SVIL: variants seen among roughly 807,000 people sequenced by gnomAD.
The protein encoded by SVIL is supervillin.
A neutral mutation model predicts 240.4 loss-of-function variants in SVIL; 101 were observed. That is an observed-to-expected ratio of 0.42 (90% CI 0.36 to 0.50). SVIL has a LOEUF of 0.50. Among genes scored for constraint, SVIL ranks in the 20% least tolerant of loss-of-function variants. The pLI, the probability that SVIL is intolerant of heterozygous loss-of-function variation, is 0.01. For missense variants in SVIL, 2,512 were observed against 2,818.7 expected, an observed-to-expected ratio of 0.89 and a Z score of 2.46; for synonymous variants, 999 against 1,100.0, an observed-to-expected ratio of 0.91 and a Z score of 1.82.
chr10:29,644,146 AATGGGGAC>A lies in SVIL; in HGVS notation c.-201+13815_-201+13822del, dbSNP rs565592899. On this transcript the variant is annotated intron_variant, in intron 3 of 35. Coordinates refer to the SVIL transcript ENST00000375400. ...ACAGAACCATGGAGGCTGCTGCTCA[AATGGGGAC>A]ATGAGCTGACGGTGATGTGACCAGT... 6.6e-4 allele frequency among the ~76,000 whole-genome samples: 100 copies of A among 152,154 alleles called. No homozygotes were observed. In the South Asian group the frequency reaches 0.012, roughly 18 times the overall value.
intron 2 of SVIL, among the ~76,000 whole-genome samples, 157 bp from the exon 3 acceptor site, chr10:29,563,449 CT>C (rs1284345483): frequency 2.6e-5 from 4 of 152,178 alleles, no homozygotes; most frequent in South Asian, 2.1e-4. Context: ...AAATTGGTAA[CT>C]TTTTTCATTT....
At chr10:29,607,311 T>A (rs552093842) in intron 1 of SVIL, among the ~76,000 whole-genome samples, 14 of 152,338 alleles carry the variant, frequency 9.2e-5, no homozygotes, top group African/African-American at 3.1e-4. Flanking sequence ...TTACTGAGGC[T>A]GTGTAATGCA....
chr10:29,550,495 A>G, intron 6 of SVIL, 102 bp downstream of exon 6: 1 of 1,262,664 alleles, frequency 7.9e-7, no homozygotes, highest in Non-Finnish European at 1.1e-6. Flanking sequence ...ATAAGCCTTG[A>G]CTTCCACATA....
chr10:29,668,411 T>A (rs555839425), intron 2 of SVIL, among the ~76,000 whole-genome samples: 1 of 152,310 alleles, frequency 6.6e-6, no homozygotes, highest in African/African-American at 2.4e-5. Context: ...ATCCAAATGT[T>A]TAATTATGTT....
At chr10:29,549,582 T>C (rs1384853955) in intron 6 of SVIL, among the ~76,000 whole-genome samples, 2 of 147,264 alleles carry the variant, frequency 1.4e-5, no homozygotes, top group South Asian at 2.2e-4. Flanking sequence ...CGTATGTTTA[T>C]TGTGGCACTA....
At chr10:29,539,584 C>T (rs1483850384) in intron 6 of SVIL, among the ~76,000 whole-genome samples, 1 of 152,176 alleles carries the variant, frequency 6.6e-6, no homozygotes, top group African/African-American at 2.4e-5. Flanking sequence ...AGTGAACACG[C>T]TGTCCTGGGC....
intron 16 of SVIL, among the ~76,000 whole-genome samples, chr10:29,519,257 T>C (rs936470044): frequency 5.3e-5 from 8 of 152,296 alleles, no homozygotes; most frequent in Admixed American, 5.2e-4. Context: ...GGTTGGCTGC[T>C]CTAACACTAA....
rs545436478 is a variant in SVIL at position 29,490,690 on chromosome 10, G to C, written c.4192+157C>G. 1.8e-3 allele frequency among the ~76,000 whole-genome samples: 272 copies of C among 152,088 alleles called. 12 individuals are homozygous for C. In the South Asian group the frequency reaches 0.056, roughly 31 times the overall value. On this transcript the variant is annotated intron_variant, in intron 22 of 37. Coordinates refer to ENST00000355867, the MANE Select transcript of SVIL (RefSeq NM_021738.3). ...TATGAAAAATCTTTAAAGTCTAGGTGCGTGCACATGTATGTGCAAACTTAC... is the reference window on the plus strand; with the variant it reads ...TATGAAAAATCTTTAAAGTCTAGGTCCGTGCACATGTATGTGCAAACTTAC...
chr10:29,479,648 C>T (rs1434728969), intron 29 of SVIL, among the ~76,000 whole-genome samples: 6 of 152,190 alleles, frequency 3.9e-5, no homozygotes, highest in Admixed American at 3.9e-4. Context: ...ATGTTGTCAG[C>T]TGATGAATAG....
chr10:29,648,585 C>G (rs1047071933), intron 3 of SVIL, among the ~76,000 whole-genome samples: 1 of 152,158 alleles, frequency 6.6e-6, no homozygotes, highest in Non-Finnish European at 1.5e-5. Flanking sequence ...GCAGTTAGTT[C>G]TAAGAAAAGC....
rs376302491 is a variant in SVIL, at chr10:29,567,742, C to T, written c.-143+1513G>A. Among the ~76,000 whole-genome samples the T allele has an allele frequency of 2.8e-3, 430 of 152,252 alleles. 2 individuals carry two copies. The highest frequency in any genetic ancestry group is 9.9e-3 in the African/African-American group (411 of 41,550). ...TATTAGAGACCAAGCCGAGGCCAGG[C>T]GCAGTGACTCACGCCTGTAATCCCA... On this transcript the variant is annotated intron_variant, in intron 2 of 37. Coordinates refer to ENST00000355867, the MANE Select transcript of SVIL (RefSeq NM_021738.3).
At chr10:29,466,291 T>C (rs998081471) in intron 33 of SVIL, among the ~76,000 whole-genome samples, 1 of 152,006 alleles carries the variant, frequency 6.6e-6, no homozygotes, top group African/African-American at 2.4e-5. Context: ...TATACATGTA[T>C]ATAAATATAC....
intron 1 of SVIL, among the ~76,000 whole-genome samples, chr10:29,686,990 T>C (rs550488678): frequency 5.1e-4 from 77 of 152,294 alleles, no homozygotes; most frequent in Middle Eastern, 6.8e-3. Context: ...CCCAAACTCC[T>C]TACGCAAAAT....
rs535458752 is a variant in SVIL at position 29,715,657 on chromosome 10, G to A, written c.-400+20094C>T. Among the ~76,000 whole-genome samples the A allele has an allele frequency of 3.7e-4, 56 of 152,310 alleles. No individual in the cohort carries two copies. In the South Asian group the frequency reaches 0.011, roughly 31 times the overall value. On this transcript the variant is annotated intron_variant, in intron 1 of 35. Transcript: ENST00000375400. ...TTGTCCTAATGGCCTAGCACAGTGG[G>A]AAGTTGTCCAAGAGTCATGGTCATC...
intron 1 of SVIL, among the ~76,000 whole-genome samples, chr10:29,579,489 C>T (rs532691133): frequency 6.6e-6 from 1 of 152,054 alleles, no homozygotes; most frequent in Non-Finnish European, 1.5e-5. Context: ...AAAACGGGGA[C>T]AATGATTCCT....
chr10:29,633,568 C>T (rs1958194195), intron 1 of SVIL, among the ~76,000 whole-genome samples: 3 of 152,240 alleles, frequency 2.0e-5, no homozygotes, highest in East Asian at 3.9e-4. Flanking sequence ...CAGTATTCAC[C>T]GATGAAGTTC....
Position 29,532,994 on chromosome 10 carries a change from G to T in SVIL, c.1373C>A (p.Ala458Asp), listed in dbSNP as rs1476416523. Residue 458 changes from alanine to aspartate, a missense_variant, in exon 8 of 38, where the codon GCT (alanine) becomes GAT (aspartate). Physicochemically the swap from Ala to Asp is moderately radical, Grantham distance 126. Coordinates refer to ENST00000355867, the MANE Select transcript of SVIL (RefSeq NM_021738.3). ...ALEQSKKTLLALEGDGLVRSP... is the reference protein window; with the variant it reads ...ALEQSKKTLLDLEGDGLVRSP... ...TCTCACTAGCCCATCACCCTCCAAA[G>T]CCAGTAGGGTTTTCTTGCTTTGCTC... 5 of 1,614,018 alleles carry T rather than the reference G, an allele frequency of 3.1e-6. No homozygotes were observed. In the African/African-American group the frequency reaches 6.7e-5, roughly 22 times the overall value.
chr10:29,549,698 A>G (rs1953051912), intron 6 of SVIL, among the ~76,000 whole-genome samples: 1 of 140,600 alleles, frequency 7.1e-6, no homozygotes. Context: ...AGCCATAAAA[A>G]AGGATGAGTT....
chr10:29,704,288 T>A (rs905091992), intron 1 of SVIL, among the ~76,000 whole-genome samples: 1 of 152,214 alleles, frequency 6.6e-6, no homozygotes, highest in African/African-American at 2.4e-5. Context: ...CAGTGTCGTG[T>A]GTGTGTGTAT....
Sources: gnomAD v4.1 joint callset for allele counts (sites outside exome capture counted in the v4.1 genomes callset) on GRCh38, gnomAD v4.1.1 for gene constraint, MANE v1.5 for transcripts, NCBI Gene and HGNC (gene_info 2026-07-23, HGNC 2026-07-21) for gene names.